Variants in ZNF184 observed in about 807,000 individuals in gnomAD.
ZNF184 encodes zinc finger protein 184.
In ZNF184, 16 loss-of-function variants were observed where a neutral mutation model predicts 54.4. That is an observed-to-expected ratio of 0.29 (90% CI 0.20 to 0.45). ZNF184 has a LOEUF of 0.45. Among genes scored for constraint, ZNF184 ranks in the 20% least tolerant of loss-of-function variants. The pLI, the probability that ZNF184 is intolerant of heterozygous loss-of-function variation, is 1.00. For missense variants in ZNF184, 681 were observed against 888.2 expected, an observed-to-expected ratio of 0.77 and a Z score of 2.97; for synonymous variants, 254 against 295.3, an observed-to-expected ratio of 0.86 and a Z score of 1.43.
At chr6:27,435,414 A>T in the ZNF184 span, among the ~76,000 whole-genome samples, 2 of 152,084 alleles carry the variant, frequency 1.3e-5, no homozygotes, top group Non-Finnish European at 2.9e-5. Flanking sequence ...GTTAAGTACA[A>T]TTGTTTTCTT....
the ZNF184 span, among the ~76,000 whole-genome samples, chr6:27,416,552 G>C: frequency 6.6e-6 from 1 of 152,070 alleles, no homozygotes; most frequent in African/African-American, 2.4e-5. Context: ...CTTTAGTTTC[G>C]GGTATGAGGA....
Position 27,450,784 on chromosome 6 carries a change from A to C in ZNF184, c.*519T>G, listed in dbSNP as rs1762693626. 6.6e-6 allele frequency: 1 copy of C among 151,296 alleles called. No homozygotes were observed. Among genetic ancestry groups the C allele is most frequent in the Admixed American group, 6.6e-5 (1 of 15,150 alleles). 9.4% of individuals were successfully genotyped at this position (151,296 alleles called of 1,614,324 possible). A position where few individuals can be genotyped will look rare whatever the true frequency, so the allele number is the denominator to read the frequency against. ...TAAGTTTTAATATTCTTACTGAGTT[A>C]GGCTATTATATGCAATTGAATTGTT... is the stretch of plus-strand genomic sequence containing the variant. On this transcript the variant is annotated 3_prime_UTR_variant, in exon 6 of 6. Transcript: ENST00000683788.
the ZNF184 span, chr6:27,406,333 T>A: frequency 6.6e-6 from 1 of 152,244 alleles, no homozygotes; most frequent in Non-Finnish European, 1.5e-5. Context: ...GCAAGAGACA[T>A]ACACAGTGCA....
the ZNF184 span, among the ~76,000 whole-genome samples, chr6:27,428,830 T>A: frequency 6.6e-6 from 1 of 152,290 alleles, no homozygotes; most frequent in Middle Eastern, 3.4e-3. The surrounding 1 kb of genome is among the most constrained non-coding windows in gnomAD (Gnocchi z 4.1). Context: ...CTCCAAGTCT[T>A]CCTGTGGGAA....
chr6:27,429,119 C>T, the ZNF184 span, among the ~76,000 whole-genome samples: 29 of 152,176 alleles, frequency 1.9e-4, no homozygotes, highest in African/African-American at 7.0e-4. Flanking sequence ...GTGGTTTCCT[C>T]CTTGCTTTCT....
chr6:27,424,492 C>A, the ZNF184 span, among the ~76,000 whole-genome samples: 1 of 152,112 alleles, frequency 6.6e-6, no homozygotes, highest in Non-Finnish European at 1.5e-5. Context: ...CGTTTATAAT[C>A]CCTGAGCTAG....
chr6:27,467,789 C>A, intron 3 of ZNF184, 64 bp downstream of exon 3: 1 of 1,498,600 alleles, frequency 6.7e-7, no homozygotes, highest in Non-Finnish European at 9.1e-7. Context: ...AAAAACAAAA[C>A]AAAACAAAAA....
chr6:27,470,678 C>T (rs758379724), intron 2 of ZNF184, among the ~76,000 whole-genome samples: 15 of 151,984 alleles, frequency 9.9e-5, no homozygotes, highest in Non-Finnish European at 2.1e-4. Context: ...CTTTTTATTC[C>T]AAATAACAGC....
the ZNF184 span, among the ~76,000 whole-genome samples, chr6:27,416,851 G>A: frequency 6.6e-6 from 1 of 152,168 alleles, no homozygotes; most frequent in East Asian, 1.9e-4. Context: ...TCCTATTGCA[G>A]TAGGGTTATT....
At chr6:27,423,251 GA>G in the ZNF184 span, among the ~76,000 whole-genome samples, 1 of 152,190 alleles carries the variant, frequency 6.6e-6, no homozygotes, top group South Asian at 2.1e-4. Flanking sequence ...TTCACCCTAA[GA>G]ATCTAAAGGC....
At chr6:27,468,009 A>C in intron 2 of ZNF184, 89 bp from the exon 3 acceptor site, 2 of 1,120,348 alleles carry the variant, frequency 1.8e-6, no homozygotes, top group South Asian at 3.3e-5. Flanking sequence ...CTATTTGAAA[A>C]TAACAGAAAC....
At chr6:27,439,528 T>C in the ZNF184 span, among the ~76,000 whole-genome samples, 1 of 152,172 alleles carries the variant, frequency 6.6e-6, no homozygotes, top group African/African-American at 2.4e-5. Flanking sequence ...TCTGAGGTAT[T>C]GTCAAAAGGT....
At chr6:27,429,172 G>T in the ZNF184 span, among the ~76,000 whole-genome samples, 1 of 152,176 alleles carries the variant, frequency 6.6e-6, no homozygotes, top group Admixed American at 6.5e-5. Flanking sequence ...ATTGGTTATT[G>T]TGGTTATGAA....
In ZNF184 at chr6:27,472,400, G is replaced by A; in HGVS notation, c.-106C>T. ...AGGACTCAGATGTCTAACTCCCCTT[G>A]CAGGGAATCTGCAACACGCTGAGGT... On this transcript the variant is annotated 5_prime_UTR_variant, in exon 2 of 6. Transcript: ENST00000683788. This position sits in a 1 kb window ranked among gnomAD's most constrained non-coding sequence, Gnocchi z 4.8. The A allele has an allele frequency of 1.4e-6, 2 of 1,460,798 alleles. No homozygotes were observed. Among genetic ancestry groups the A allele is most frequent in the Non-Finnish European group, 1.9e-6 (2 of 1,050,208 alleles). 90.5% of individuals were successfully genotyped at this position (1,460,798 alleles called of 1,614,324 possible).
the ZNF184 span, among the ~76,000 whole-genome samples, chr6:27,426,083 T>A: frequency 2.6e-5 from 4 of 152,190 alleles, no homozygotes; most frequent in Admixed American, 6.5e-5. This position sits in a 1 kb window ranked among gnomAD's most constrained non-coding sequence, Gnocchi z 4.2. Flanking sequence ...GTACCCCTTA[T>A]CTCCCCTTGT....
In ZNF184 at chr6:27,451,198, A is replaced by G. The variant is rs188119425; in HGVS notation, c.*105T>C. The G allele has an allele frequency of 1.2e-4, 163 of 1,361,794 alleles. No individual in the cohort carries two copies. In the East Asian group the frequency reaches 3.7e-3, roughly 31 times the overall value. The allele number at this position is 1,361,794 out of a possible 1,614,324, so 84.4% of individuals were successfully genotyped here. ...TCCATAACATGATAGTGAAAATTTA[A>G]AAGATTTCAAGGCAGTTTCTAAATC... is the stretch of plus-strand genomic sequence containing the variant. On this transcript the variant is annotated 3_prime_UTR_variant, in exon 6 of 6. Transcript: ENST00000683788.
chr6:27,424,927 T>C, the ZNF184 span, among the ~76,000 whole-genome samples: 1 of 151,804 alleles, frequency 6.6e-6, no homozygotes, highest in Non-Finnish European at 1.5e-5. Flanking sequence ...ATGGAGGGGG[T>C]GGGAGGCTCA....
chr6:27,423,703 T>C, the ZNF184 span, among the ~76,000 whole-genome samples: 1 of 151,970 alleles, frequency 6.6e-6, no homozygotes, highest in Non-Finnish European at 1.5e-5. Flanking sequence ...TTCCAGCCCT[T>C]TTACAATTTA....
At chr6:27,420,658 A>G in the ZNF184 span, among the ~76,000 whole-genome samples, 9 of 152,232 alleles carry the variant, frequency 5.9e-5, no homozygotes, top group Admixed American at 5.2e-4. Flanking sequence ...AATGCTGATG[A>G]AGGATGTGGA....
Sources: gnomAD v4.1 joint callset for allele counts (sites outside exome capture counted in the v4.1 genomes callset) on GRCh38, gnomAD v4.1.1 for gene constraint, Gnocchi (gnomAD v3.1) non-coding constraint, MANE v1.5 for transcripts, NCBI Gene and HGNC (gene_info 2026-07-23, HGNC 2026-07-21) for gene names.